The following DLGAP1 variants were observed in gnomAD, a reference collection of about 807,000 sequenced individuals.
DLGAP1 encodes the protein DLG associated protein 1, also known as disks large-associated protein 1.
A neutral mutation model predicts 90.8 loss-of-function variants in DLGAP1; 11 were observed. The ratio of observed to expected loss-of-function variants is 0.12; its 90% CI spans 0.08 to 0.20. DLGAP1 has a LOEUF of 0.20. DLGAP1 is among the 10% of genes least tolerant of loss of function. The pLI is 1.00. For missense variants in DLGAP1, 1,050 were observed against 1,333.8 expected (o/e 0.79, Z 3.31); for synonymous variants, 558 against 540.7 (o/e 1.03, Z -0.44).
At chr18:4,403,663 G>T (rs1342864064) in intron 1 of DLGAP1, among the ~76,000 whole-genome samples, 2 of 152,102 alleles carry the variant, frequency 1.3e-5, no homozygotes, top group East Asian at 1.9e-4. Context: ...TTAAAATGGA[G>T]AAATTTGTTC....
chr18:3,688,199 C>T (rs927626117), intron 7 of DLGAP1, among the ~76,000 whole-genome samples: 2 of 152,124 alleles, frequency 1.3e-5, no homozygotes, highest in Non-Finnish European at 2.9e-5. Flanking sequence ...GTGTGAGCCA[C>T]CGCACCCGGC....
chr18:3,990,506 A>G (rs1290009319), intron 3 of DLGAP1, among the ~76,000 whole-genome samples: 1 of 145,848 alleles, frequency 6.9e-6, no homozygotes, highest in Non-Finnish European at 1.5e-5. Context: ...GGGGGGAGGG[A>G]TAGCATTAGG....
At chr18:3,721,731 T>A (rs2061991604) in intron 7 of DLGAP1, 1 of 152,238 alleles carries the variant, frequency 6.6e-6, no homozygotes, top group African/African-American at 2.4e-5. Flanking sequence ...TAAATGGATT[T>A]GTATTAAATT....
At chr18:3,774,734 A>G (rs1217615207) in intron 5 of DLGAP1, 1 of 152,098 alleles carries the variant, frequency 6.6e-6, no homozygotes, top group Non-Finnish European at 1.5e-5. Flanking sequence ...GGGCTCAGAA[A>G]CCTGTACCCC....
chr18:3,878,533 T>C (rs2071060935), intron 4 of DLGAP1, among the ~76,000 whole-genome samples: 1 of 152,182 alleles, frequency 6.6e-6, no homozygotes, highest in Non-Finnish European at 1.5e-5. Flanking sequence ...CCAAACTGGC[T>C]AGCTCCCCAC....
At chr18:4,438,595 C>T (rs570151264) in intron 1 of DLGAP1, among the ~76,000 whole-genome samples, 1 of 152,036 alleles carries the variant, frequency 6.6e-6, no homozygotes, top group African/African-American at 2.4e-5. Context: ...TATTAACCAC[C>T]CTCCCCAAGA....
chr18:3,884,270 A>T (rs1416859495), intron 3 of DLGAP1, among the ~76,000 whole-genome samples: 1 of 152,226 alleles, frequency 6.6e-6, no homozygotes, highest in Non-Finnish European at 1.5e-5. Flanking sequence ...CACTGAGGAC[A>T]TTTTTGCCTT....
chr18:3,879,476 G>A lies in DLGAP1; in HGVS notation c.593C>T (p.Ser198Phe), dbSNP rs776547161. Residue 198 changes from serine to phenylalanine, a missense_variant, in exon 4 of 13, where the codon TCC becomes TTC. Coordinates refer to ENST00000315677, the MANE Select transcript of DLGAP1 (RefSeq NM_004746.4). The surrounding 1 kb of genome is among the most constrained non-coding windows in gnomAD (Gnocchi z 6.6). ...GTCGTCCGAGCTCCACCAGCCCGGG[G>A]AGGTGCTGGGCCGGGCCTTGGGCTC... ...RAEPKARPSTSPGWWSSDDNL... is the reference protein window; with the variant it reads ...RAEPKARPSTFPGWWSSDDNL... 3 of 1,605,474 alleles carry A rather than the reference G, an allele frequency of 1.9e-6. No homozygotes were observed. Among genetic ancestry groups the A allele is most frequent in the Non-Finnish European group, 2.5e-6 (3 of 1,179,898 alleles).
At chr18:4,078,086 T>C (rs72871189) in intron 2 of DLGAP1, among the ~76,000 whole-genome samples, 15,797 of 152,256 alleles carry the variant, frequency 0.1, 848 homozygotes, top group Non-Finnish European at 0.12. Context: ...AAACGACAGA[T>C]ACTCCATGGG....
chr18:3,901,396 C>A (rs1213747480), intron 3 of DLGAP1, among the ~76,000 whole-genome samples: 1 of 152,126 alleles, frequency 6.6e-6, no homozygotes, highest in Non-Finnish European at 1.5e-5. Context: ...CCACGGTTAC[C>A]CGTAAGGACA....
intron 7 of DLGAP1, among the ~76,000 whole-genome samples, chr18:3,707,187 G>A (rs555831002): frequency 6.6e-5 from 10 of 152,200 alleles, no homozygotes; most frequent in African/African-American, 2.4e-4. Context: ...CATGACTCTT[G>A]CAAGTTCTCT....
At chr18:4,328,451 G>C (rs2080873401) in intron 1 of DLGAP1, among the ~76,000 whole-genome samples, 1 of 151,880 alleles carries the variant, frequency 6.6e-6, no homozygotes, top group South Asian at 2.1e-4. Flanking sequence ...TTCATCAGTT[G>C]ATGGGCACTT....
chr18:4,021,577 ATTTCT>A (rs942961252), intron 2 of DLGAP1, among the ~76,000 whole-genome samples: 6 of 151,860 alleles, frequency 4.0e-5, no homozygotes, highest in African/African-American at 1.5e-4. Context: ...GGTCTCAGGT[ATTTCT>A]TTTCTTTTCT....
chr18:4,180,889 G>A (rs1421263196), intron 1 of DLGAP1, among the ~76,000 whole-genome samples: 1 of 152,274 alleles, frequency 6.6e-6, no homozygotes, highest in Non-Finnish European at 1.5e-5. Context: ...ACAACTACAA[G>A]GGTGTCCAGT....
At chr18:4,320,107 TA>T (rs2080640227) in intron 1 of DLGAP1, among the ~76,000 whole-genome samples, 1 of 152,186 alleles carries the variant, frequency 6.6e-6, no homozygotes, top group African/African-American at 2.4e-5. Context: ...TAGAAGGTCC[TA>T]GGGGCATTTC....
At position 4,445,918 on chromosome 18, in the gene DLGAP1, C is replaced by G. The variant is rs371290125; in HGVS notation, c.-267+9088G>C. 1.2e-4 allele frequency among the ~76,000 whole-genome samples: 19 copies of G among 152,014 alleles called. No homozygotes were observed. In the East Asian group the frequency reaches 2.9e-3, roughly 23 times the overall value. On this transcript the variant is annotated intron_variant, in intron 1 of 12. Transcript: ENST00000315677. ...TAAAACAATTATTTTAAAAGAAATC[C>G]TTCCTCCTGGTAAAACAGTCAACTA...
intron 3 of DLGAP1, among the ~76,000 whole-genome samples, chr18:3,973,187 T>C (rs2073490445): frequency 6.6e-6 from 1 of 150,584 alleles, no homozygotes; most frequent in Non-Finnish European, 1.5e-5. Flanking sequence ...TCCTAGATTC[T>C]ATAAGGAACA....
intron 9 of DLGAP1, among the ~76,000 whole-genome samples, chr18:3,541,616 T>A (rs1249917828): frequency 6.6e-6 from 1 of 152,188 alleles, no homozygotes; most frequent in East Asian, 1.9e-4. Flanking sequence ...CTGAACTGGC[T>A]GTCAGATGTT....
intron 3 of DLGAP1, among the ~76,000 whole-genome samples, chr18:3,995,998 G>A (rs2074062692): frequency 6.6e-6 from 1 of 152,126 alleles, no homozygotes; most frequent in South Asian, 2.1e-4. Context: ...TATTATGTTA[G>A]ACATGTAAGA....
Sources: gnomAD v4.1 joint callset for allele counts (sites outside exome capture counted in the v4.1 genomes callset) on GRCh38, gnomAD v4.1.1 for gene constraint, Gnocchi (gnomAD v3.1) non-coding constraint, MANE v1.5 for transcripts, NCBI Gene and HGNC (gene_info 2026-07-23, HGNC 2026-07-21) for gene names.